NEK11: variants seen among roughly 807,000 people sequenced by gnomAD.
The protein encoded by NEK11 is NIMA related kinase 11.
In NEK11, 72 loss-of-function variants were observed where a neutral mutation model predicts 80.7. The ratio of observed to expected loss-of-function variants is 0.89; its 90% CI spans 0.74 to 1.08. NEK11 has a LOEUF of 1.08. Ranked by LOEUF, NEK11 falls within the 50% of genes least tolerant of loss-of-function variation. The pLI, the probability that NEK11 is intolerant of heterozygous loss-of-function variation, is 0.00. For missense variants in NEK11, 764 were observed against 763.6 expected (o/e 1.00, Z -0.01); for synonymous variants, 251 against 260.7 (o/e 0.96, Z 0.36).
chr3:131,144,159 T>G (rs1022852285), intron 7 of NEK11, among the ~76,000 whole-genome samples: 53 of 152,134 alleles, frequency 3.5e-4, no homozygotes, highest in African/African-American at 1.2e-3. Context: ...TTCTCAGTAG[T>G]TCCGGACAAG....
chr3:131,053,030 T>C (rs562685663), intron 3 of NEK11, among the ~76,000 whole-genome samples: 177 of 152,294 alleles, frequency 1.2e-3, no homozygotes, highest in African/African-American at 4.1e-3. Flanking sequence ...CGGGACACTC[T>C]TATTAGCATT....
chr3:131,068,835 C>G (rs1316835692), intron 3 of NEK11, among the ~76,000 whole-genome samples: 1 of 152,150 alleles, frequency 6.6e-6, no homozygotes, highest in African/African-American at 2.4e-5. Flanking sequence ...ATAAGCACAA[C>G]TCAGCAAAAA....
intron 3 of NEK11, among the ~76,000 whole-genome samples, chr3:131,039,708 T>G (rs1258522023): frequency 2.6e-5 from 4 of 152,200 alleles, no homozygotes; most frequent in African/African-American, 9.7e-5. Context: ...AAATGAGATA[T>G]GTATATGACT....
chr3:131,285,300 G>A (rs200610581), intron 17 of NEK11, among the ~76,000 whole-genome samples: 1 of 140,260 alleles, frequency 7.1e-6, no homozygotes, highest in African/African-American at 3.3e-5. Flanking sequence ...AGAGAGAGAA[G>A]GTGGGCTGTG....
chr3:131,029,568 G>A (rs955289216), intron 2 of NEK11, 45 bp from the exon 3 acceptor site: 2 of 741,250 alleles, frequency 2.7e-6, no homozygotes, highest in South Asian at 2.1e-5. Flanking sequence ...GTTAGACATC[G>A]TTTAGCAACC....
chr3:131,048,432 C>T (rs1224032488), intron 3 of NEK11, among the ~76,000 whole-genome samples: 12 of 152,226 alleles, frequency 7.9e-5, no homozygotes, highest in African/African-American at 2.4e-4. Context: ...AAGTCAGAAA[C>T]GGCTTCGCTG....
At chr3:131,175,792 AT>A (rs767643507) in intron 14 of NEK11, among the ~76,000 whole-genome samples, 2 of 152,236 alleles carry the variant, frequency 1.3e-5, no homozygotes, top group African/African-American at 2.4e-5. Context: ...AATTAAAAAA[AT>A]ATTAAAATAT....
In NEK11 at chr3:131,152,868, G is replaced by A. The variant is rs140112698; in HGVS notation, c.876+159G>A. Among the ~76,000 whole-genome samples, 119 of 152,220 alleles carry A rather than the reference G, an allele frequency of 7.8e-4. 2 individuals are homozygous for A. Among genetic ancestry groups the A allele is most frequent in the Middle Eastern group, 3.4e-3 (1 of 292 alleles). On this transcript the variant is annotated intron_variant, in intron 9 of 17. Coordinates refer to ENST00000383366, the MANE Select transcript of NEK11 (RefSeq NM_024800.5). ...TGAGAGGCCGAGGCGGATGGATCAC[G>A]AGGTCAAGAGATCGAGACCATCCTG... is the stretch of plus-strand genomic sequence containing the variant.
chr3:131,113,634 C>T (rs185178903), intron 5 of NEK11, among the ~76,000 whole-genome samples: 108 of 152,114 alleles, frequency 7.1e-4, no homozygotes, highest in Admixed American at 1.8e-3. Context: ...AAAAGCAGGC[C>T]GGGCACAGTG....
At chr3:131,257,397 G>T (rs1483804221) in intron 16 of NEK11, among the ~76,000 whole-genome samples, 1 of 152,094 alleles carries the variant, frequency 6.6e-6, no homozygotes, top group Admixed American at 6.6e-5. Flanking sequence ...TGGGAGCCAG[G>T]CTCTGTCTCA....
intron 16 of NEK11, among the ~76,000 whole-genome samples, chr3:131,263,985 G>A (rs1322041721): frequency 7.9e-5 from 12 of 152,132 alleles, no homozygotes; most frequent in African/African-American, 2.7e-4. Flanking sequence ...ATTTTTTCAT[G>A]TGTCTGTTGG....
At chr3:131,071,748 G>A (rs1246039074) in intron 3 of NEK11, among the ~76,000 whole-genome samples, 2 of 151,796 alleles carry the variant, frequency 1.3e-5, no homozygotes, top group African/African-American at 4.8e-5. Flanking sequence ...TCATTTCTGT[G>A]TAGTTCACTG....
At chr3:131,283,231 G>A (rs1345691168) in intron 17 of NEK11, among the ~76,000 whole-genome samples, 1 of 152,166 alleles carries the variant, frequency 6.6e-6, no homozygotes, top group African/African-American at 2.4e-5. Context: ...ATCTCATCAG[G>A]AACTCTAAAG....
At chr3:131,187,732 T>C (rs1327098864) in intron 14 of NEK11, among the ~76,000 whole-genome samples, 1 of 152,174 alleles carries the variant, frequency 6.6e-6, no homozygotes, top group Non-Finnish European at 1.5e-5. Context: ...TTCCAGAGCA[T>C]ATTAGGACCA....
intron 14 of NEK11, among the ~76,000 whole-genome samples, chr3:131,191,088 C>T (rs1306300349): frequency 6.6e-6 from 1 of 152,106 alleles, no homozygotes; most frequent in Admixed American, 6.6e-5. Context: ...GGTAAAGGAA[C>T]AATTATCTAA....
intron 17 of NEK11, among the ~76,000 whole-genome samples, chr3:131,301,310 CAT>C (rs1409245253): frequency 1.3e-5 from 2 of 152,118 alleles, no homozygotes; most frequent in African/African-American, 2.4e-5. Context: ...GATATAGACT[CAT>C]ATTATCTACA....
Position 131,035,847 on chromosome 3 carries a change from A to G in NEK11, c.170+5969A>G, listed in dbSNP as rs552609280. ...CTCTTCTAAGAACTTGACAAAATGG[A>G]ACAGCTGTATGTACATTCTAAGTGG... On this transcript the variant is annotated intron_variant, in intron 3 of 17. Coordinates refer to ENST00000383366, the MANE Select transcript of NEK11 (RefSeq NM_024800.5). 2.3e-4 allele frequency among the ~76,000 whole-genome samples: 35 copies of G among 152,196 alleles called. 1 individual carries two copies. The highest frequency in any genetic ancestry group is 4.6e-4 in the Non-Finnish European group (31 of 68,028).
chr3:131,069,701 A>G (rs997333810), intron 3 of NEK11, among the ~76,000 whole-genome samples: 7 of 151,712 alleles, frequency 4.6e-5, no homozygotes, highest in Non-Finnish European at 8.8e-5. Context: ...ATTGGAAATC[A>G]TCATTCTCAG....
At chr3:131,123,339 G>A (rs1006869792) in intron 5 of NEK11, among the ~76,000 whole-genome samples, 2 of 151,986 alleles carry the variant, frequency 1.3e-5, no homozygotes, top group South Asian at 2.1e-4. Flanking sequence ...TCTAATTTTT[G>A]TATTTTTAGT....
Sources: gnomAD v4.1 joint callset for allele counts (sites outside exome capture counted in the v4.1 genomes callset) on GRCh38, gnomAD v4.1.1 for gene constraint, MANE v1.5 for transcripts, NCBI Gene and HGNC (gene_info 2026-07-23, HGNC 2026-07-21) for gene names.